JAKMIP1: variants seen among roughly 807,000 people sequenced by gnomAD.
The protein encoded by JAKMIP1 is janus kinase and microtubule-interacting protein 1.
A neutral mutation model predicts 113.0 loss-of-function variants in JAKMIP1; 33 were observed. The observed-to-expected ratio is 0.29, with a 90% CI of 0.22 to 0.39. The LOEUF is 0.39. Ranked by LOEUF, JAKMIP1 falls within the 10% of genes least tolerant of loss-of-function variation. The pLI is 1.00. For synonymous variants in JAKMIP1, 480 were observed against 459.9 expected, an observed-to-expected ratio of 1.04 and a Z score of -0.56; for missense variants, 813 against 1,080.5, an observed-to-expected ratio of 0.75 and a Z score of 3.47.
In JAKMIP1 at chr4:6,061,504, G is replaced by T. The variant is rs1320539298; in HGVS notation, c.1560+808C>A. 6.6e-6 allele frequency among the ~76,000 whole-genome samples: 1 copy of T among 152,020 alleles called. No homozygotes were observed. Among genetic ancestry groups the T allele is most frequent in the Non-Finnish European group, 1.5e-5 (1 of 68,042 alleles). On this transcript the variant is annotated intron_variant, in intron 10 of 20. Coordinates refer to ENST00000409021, the MANE Select transcript of JAKMIP1 (RefSeq NM_001099433.2). The surrounding 1 kb of genome is among the most constrained non-coding windows in gnomAD (Gnocchi z 5.3). ...TAAGACTACCAAAATCCATCCATTT[G>T]TGGAATTCCCAAACAGGGCTCTGAG...
At chr4:6,196,871 A>G (rs1278733355) in intron 1 of JAKMIP1, among the ~76,000 whole-genome samples, 1 of 151,980 alleles carries the variant, frequency 6.6e-6, no homozygotes, top group Admixed American at 6.5e-5. Context: ...AAAAAAAAAA[A>G]AAAACAAAAG....
At chr4:6,028,913 A>T (rs184868965) in intron 20 of JAKMIP1, among the ~76,000 whole-genome samples, 1 of 152,362 alleles carries the variant, frequency 6.6e-6, no homozygotes, top group Non-Finnish European at 1.5e-5. Flanking sequence ...ACATTTGATG[A>T]TACCCTATCC....
intron 16 of JAKMIP1, among the ~76,000 whole-genome samples, chr4:6,047,582 C>G (rs778605122): frequency 6.6e-6 from 1 of 152,244 alleles, no homozygotes; most frequent in Non-Finnish European, 1.5e-5. Context: ...GAGTTCCAAT[C>G]CTCTCACTGC....
chr4:6,120,549 G>A (rs928752210), intron 1 of JAKMIP1, among the ~76,000 whole-genome samples: 4 of 152,190 alleles, frequency 2.6e-5, no homozygotes, highest in Non-Finnish European at 4.4e-5. Flanking sequence ...GGAGGCCCAC[G>A]GACAACAGTG....
intron 16 of JAKMIP1, 140 bp downstream of exon 16, chr4:6,048,717 A>G (rs1216747211): frequency 6.1e-6 from 4 of 650,974 alleles, no homozygotes; most frequent in African/African-American, 5.5e-5. Flanking sequence ...AGAGAACGGA[A>G]AGGCATGCAT....
At chr4:6,063,820 C>T (rs539810787) in intron 9 of JAKMIP1, among the ~76,000 whole-genome samples, 6 of 152,294 alleles carry the variant, frequency 3.9e-5, no homozygotes, top group South Asian at 2.1e-4. Context: ...GTGTGGGAGG[C>T]GGACCATTCA....
rs1303843852 is a variant in JAKMIP1 at position 6,040,338 on chromosome 4, A to G, written c.2175+301T>C. ...TTTGGGACTTTAAGTCTAAATATTT[A>G]AGTAAAATCAAACATAAAAGAAATA... On this transcript the variant is annotated intron_variant, in intron 18 of 20. Coordinates refer to ENST00000409021, the MANE Select transcript of JAKMIP1 (RefSeq NM_001099433.2). The surrounding 1 kb of genome is among the most constrained non-coding windows in gnomAD (Gnocchi z 5.8). Among the ~76,000 whole-genome samples the G allele has an allele frequency of 1.3e-5, 2 of 152,236 alleles. No homozygotes were observed. Among genetic ancestry groups the G allele is most frequent in the Non-Finnish European group, 2.9e-5 (2 of 68,040 alleles).
chr4:6,147,814 G>A (rs551997273), intron 1 of JAKMIP1, among the ~76,000 whole-genome samples: 3 of 152,368 alleles, frequency 2.0e-5, no homozygotes, highest in Admixed American at 2.0e-4. Flanking sequence ...CCAAGCTCTT[G>A]TGCTTCCCTC....
Position 6,081,684 on chromosome 4 carries a change from C to T in JAKMIP1, c.1026G>A (p.Lys342=). 1.2e-6 allele frequency: 2 copies of T among 1,614,194 alleles called. No individual in the cohort carries two copies. Among genetic ancestry groups the T allele is most frequent in the Non-Finnish European group, 1.7e-6 (2 of 1,180,032 alleles). ...LVEKNKRMNK[K]NEDLLQSIQR... Reference sequence around the variant, plus strand: ...GGATACTCTGCAACAGATCCTCATTCTTCTTGTTCATCCGCTTGTTCTTCT... The same window carrying T: ...GGATACTCTGCAACAGATCCTCATTTTTCTTGTTCATCCGCTTGTTCTTCT... The change falls in exon 6 of 21, where the codon AAG becomes AAA. Residue 342 remains lysine (K), a synonymous_variant. Transcript: ENST00000409021. This position sits in a 1 kb window ranked among gnomAD's most constrained non-coding sequence, Gnocchi z 4.6.
chr4:6,187,408 T>C lies in JAKMIP1; in HGVS notation c.-148+12845A>G, dbSNP rs1275916276. 1.3e-5 allele frequency among the ~76,000 whole-genome samples: 2 copies of C among 152,266 alleles called. No individual in the cohort carries two copies. Among genetic ancestry groups the C allele is most frequent in the Non-Finnish European group, 2.9e-5 (2 of 68,044 alleles). ...TCTAAAGTGTGTCTCCTATAGACAG[T>C]GCTATGATCTGAATGTTTATGTACC... On this transcript the variant is annotated intron_variant, in intron 1 of 20. Transcript: ENST00000409021. This position sits in a 1 kb window ranked among gnomAD's most constrained non-coding sequence, Gnocchi z 4.2.
rs77676064 is a variant in JAKMIP1 at position 6,153,474 on chromosome 4, C to T, written c.-147-40477G>A. Among the ~76,000 whole-genome samples the T allele has an allele frequency of 9.1e-3, 1,387 of 152,336 alleles. 17 individuals are homozygous for T. The highest frequency in any genetic ancestry group is 0.032 in the African/African-American group (1,330 of 41,574). On this transcript the variant is annotated intron_variant, in intron 1 of 20. Transcript: ENST00000409021. The surrounding 1 kb of genome is among the most constrained non-coding windows in gnomAD (Gnocchi z 4.9). ...ACTGGAGCCAACGGTGTTTCCCAAACCTCAGTCATCAGTTGCCGCCGCTGT... is the reference window on the plus strand; with the variant it reads ...ACTGGAGCCAACGGTGTTTCCCAAATCTCAGTCATCAGTTGCCGCCGCTGT...
intron 12 of JAKMIP1, among the ~76,000 whole-genome samples, chr4:6,056,236 C>T (rs1716432568): frequency 6.7e-6 from 1 of 150,114 alleles, no homozygotes; most frequent in Non-Finnish European, 1.5e-5. Context: ...GAGAACCTGC[C>T]CTCCCCATTT....
At chr4:6,124,152 C>T (rs746231671) in intron 1 of JAKMIP1, among the ~76,000 whole-genome samples, 2 of 152,224 alleles carry the variant, frequency 1.3e-5, no homozygotes, top group African/African-American at 2.4e-5. Context: ...CCACGCAGGA[C>T]TCTCCATCCA....
In JAKMIP1 at chr4:6,187,118, C is replaced by T. The variant is rs1188174474; in HGVS notation, c.-148+13135G>A. Among the ~76,000 whole-genome samples the T allele has an allele frequency of 1.3e-5, 2 of 152,152 alleles. No individual in the cohort carries two copies. The highest frequency in any genetic ancestry group is 1.5e-5 in the Non-Finnish European group (1 of 68,042). Reference sequence around the variant, plus strand: ...ATGCTAGGATTTCAGGCATGAGCCACCATGCCCAGCCCACTTCTGTCAGTT... The same window carrying T: ...ATGCTAGGATTTCAGGCATGAGCCATCATGCCCAGCCCACTTCTGTCAGTT... On this transcript the variant is annotated intron_variant, in intron 1 of 20. Coordinates refer to ENST00000409021, the MANE Select transcript of JAKMIP1 (RefSeq NM_001099433.2). The surrounding 1 kb of genome is among the most constrained non-coding windows in gnomAD (Gnocchi z 4.2).
intron 3 of JAKMIP1, among the ~76,000 whole-genome samples, chr4:6,100,386 G>T (rs777623987): frequency 2.6e-5 from 4 of 152,188 alleles, no homozygotes; most frequent in Non-Finnish European, 4.4e-5. Context: ...CTGAGGTTCA[G>T]AAATGTTATA....
At chr4:6,072,996 C>A (rs1719188616) in intron 8 of JAKMIP1, among the ~76,000 whole-genome samples, 1 of 151,426 alleles carries the variant, frequency 6.6e-6, no homozygotes, top group African/African-American at 2.4e-5. Flanking sequence ...ATTGGTTGAA[C>A]CCGGGAGGCG....
rs1481086219 is a variant in JAKMIP1 at position 6,153,872 on chromosome 4, G to C, written c.-147-40875C>G. On this transcript the variant is annotated intron_variant, in intron 1 of 20. Transcript: ENST00000409021. The surrounding 1 kb of genome is among the most constrained non-coding windows in gnomAD (Gnocchi z 4.9). Reference sequence around the variant, plus strand: ...CTACTGTCACCTAAAATCTCACATCGCAACACTGGTGAGCACTCTCACTGA... The same window carrying C: ...CTACTGTCACCTAAAATCTCACATCCCAACACTGGTGAGCACTCTCACTGA... Among the ~76,000 whole-genome samples the C allele has an allele frequency of 1.3e-5, 2 of 152,078 alleles. No individual in the cohort carries two copies. The highest frequency in any genetic ancestry group is 4.8e-5 in the African/African-American group (2 of 41,400).
chr4:6,171,286 A>C (rs1265768411), intron 1 of JAKMIP1, among the ~76,000 whole-genome samples: 1 of 149,430 alleles, frequency 6.7e-6, no homozygotes, highest in Non-Finnish European at 1.5e-5. Context: ...CAATGTCATC[A>C]CCACCACCAT....
chr4:6,169,603 T>TGTGTGTGTGTGTGTGTGTGTGTG (rs201784962), intron 1 of JAKMIP1, among the ~76,000 whole-genome samples: 2 of 137,284 alleles, frequency 1.5e-5, no homozygotes, highest in Admixed American at 6.9e-5. Flanking sequence ...CCCTAGGAAA[T>TGTGTGTGTGTGTGTGTGTGTGTG]TGTGTGTGTG....
Sources: allele counts gnomAD v4.1 joint callset (sites outside exome capture counted in the v4.1 genomes callset), GRCh38; gene constraint gnomAD v4.1.1; non-coding constraint Gnocchi (gnomAD v3.1); transcripts MANE v1.5; gene names NCBI Gene and HGNC (gene_info 2026-07-23, HGNC 2026-07-21).